Variants in BCR observed in about 807,000 individuals in gnomAD.
BCR encodes BCR activator of RhoGEF and GTPase, also known as breakpoint cluster region protein.
In BCR, 58 loss-of-function variants were observed where a neutral mutation model predicts 138.6. That is an observed-to-expected ratio of 0.42 (90% CI 0.34 to 0.52). The LOEUF (loss-of-function observed/expected upper bound fraction) is 0.52. Among genes scored for constraint, BCR ranks in the 20% least tolerant of loss-of-function variants. The probability of loss-of-function intolerance (pLI) is 0.06; values close to 1 mark genes in which losing one functional copy is unlikely to be tolerated. For missense variants in BCR, 1,599 were observed against 1,727.2 expected (o/e 0.93, Z 1.32); for synonymous variants, 786 against 730.1 (o/e 1.08, Z -1.23).
Position 23,181,896 on chromosome 22 carries a change from C to T in BCR, c.936C>T (p.Pro312=), listed in dbSNP as rs201475311. 2.5e-6 allele frequency: 4 copies of T among 1,613,350 alleles called. No homozygotes were observed. The South Asian group carries it at 3.3e-5, about 13-fold the overall frequency. ...TSEQEKRLTW[P]RRSYSPRSFE... is the part of the protein sequence containing the mutation. ...AGCAGGAGAAGCGCCTTACCTGGCC[C>T]CGCAGGTCCTACTCCCCCCGGAGTT... is the stretch of plus-strand genomic sequence containing the variant. Residue 312 remains proline (P), a synonymous_variant, in exon 1 of 23, where the codon CCC becomes CCT. Transcript: ENST00000305877.
chr22:23,293,977 G>T (rs921496647), intron 15 of BCR, among the ~76,000 whole-genome samples: 1 of 152,204 alleles, frequency 6.6e-6, no homozygotes, highest in African/African-American at 2.4e-5. Flanking sequence ...ACGCACCCAC[G>T]GCAGACAACT....
chr22:23,250,448 G>C (rs971103206), intron 1 of BCR, among the ~76,000 whole-genome samples: 1 of 152,210 alleles, frequency 6.6e-6, no homozygotes, highest in African/African-American at 2.4e-5. Context: ...CTAGTGATAA[G>C]TGGAAAAGAG....
In BCR at chr22:23,291,917, C is replaced by T. The variant is rs74465140; in HGVS notation, c.2783-624C>T. Among the ~76,000 whole-genome samples, 1,193 of 152,290 alleles carry T rather than the reference C, an allele frequency of 7.8e-3. 19 individuals are homozygous for T. Among genetic ancestry groups the T allele is most frequent in the African/African-American group, 0.027 (1,131 of 41,540 alleles). On this transcript the variant is annotated intron_variant, in intron 14 of 22. Transcript: ENST00000305877. ...ATCCCTGCAGAAAGGGTCCCCACTA[C>T]CAGGCCTCTCCATCCCCAGTCTCAG...
At chr22:23,263,194 C>G in intron 4 of BCR, 1 of 901,620 alleles carries the variant, frequency 1.1e-6, no homozygotes, top group Non-Finnish European at 1.6e-6. Context: ...GCCGCCTGCC[C>G]GGCTGCGGGG....
chr22:23,210,412 G>C (rs1332372876), intron 1 of BCR, among the ~76,000 whole-genome samples: 1 of 145,866 alleles, frequency 6.9e-6, no homozygotes, highest in Non-Finnish European at 1.5e-5. Flanking sequence ...GTAAGACCCT[G>C]TCTCAAAAAG....
rs112664880 is a variant in BCR, at chr22:23,250,176, T to G, written c.1280-3623T>G. On this transcript the variant is annotated intron_variant, in intron 1 of 22. Coordinates refer to ENST00000305877, the MANE Select transcript of BCR (RefSeq NM_004327.4). The stretch of plus-strand genomic sequence containing the variant: ...GAAGCAAGCCCTGGGACCCCGAATC[T>G]GACCCCGAAGTTCTTGCTGGGCTGA... Among the ~76,000 whole-genome samples the G allele has an allele frequency of 2.3e-3, 350 of 152,332 alleles. 2 individuals are homozygous for G. The highest frequency in any genetic ancestry group is 8.0e-3 in the African/African-American group (332 of 41,580).
chr22:23,313,998 G>T lies in BCR; in HGVS notation c.3488G>T (p.Cys1163Phe). 2 of 1,613,950 alleles carry T rather than the reference G, an allele frequency of 1.2e-6. No individual in the cohort carries two copies. The highest frequency in any genetic ancestry group is 1.7e-6 in the Non-Finnish European group (2 of 1,179,990). The change falls in exon 21 of 23, where the codon TGC becomes TTC. Residue 1163 changes from cysteine to phenylalanine, a missense_variant. Around this residue, in one of 4 missense-constraint regions of BCR, gnomAD observed 177 missense variants for 226.4 expected, o/e 0.78. Transcript: ENST00000305877. ...TCAGACCCGGTTGCAAAGGAGAGCTGCATGCTCAACCTGCTGCTGTCCCTG... is the reference window on the plus strand; with the variant it reads ...TCAGACCCGGTTGCAAAGGAGAGCTTCATGCTCAACCTGCTGCTGTCCCTG... ...ALSDPVAKESCMLNLLLSLPE... is the reference protein window; with the variant it reads ...ALSDPVAKESFMLNLLLSLPE...
intron 16 of BCR, among the ~76,000 whole-genome samples, chr22:23,303,227 G>C (rs131682): frequency 1.3e-5 from 2 of 151,966 alleles, no homozygotes; most frequent in African/African-American, 4.8e-5. Context: ...AGATACCACA[G>C]AGAATGAACT....
intron 15 of BCR, among the ~76,000 whole-genome samples, chr22:23,294,248 T>C (rs2073820639): frequency 6.6e-6 from 1 of 152,184 alleles, no homozygotes; most frequent in South Asian, 2.1e-4. Context: ...GAGTTCATAG[T>C]TGATGTTAGG....
chr22:23,277,040 C>T (rs2073585945), intron 8 of BCR, among the ~76,000 whole-genome samples: 1 of 152,320 alleles, frequency 6.6e-6, no homozygotes. Flanking sequence ...AGGTGACGGG[C>T]GAGCTCCCCT....
intron 1 of BCR, among the ~76,000 whole-genome samples, chr22:23,238,856 C>T (rs2073055278): frequency 6.6e-6 from 1 of 151,556 alleles, no homozygotes; most frequent in Non-Finnish European, 1.5e-5. Flanking sequence ...GTGTATGTGG[C>T]TTGCAGCTTG....
chr22:23,220,417 A>T (rs1180599319), intron 1 of BCR, among the ~76,000 whole-genome samples: 1 of 152,096 alleles, frequency 6.6e-6, no homozygotes, highest in African/African-American at 2.4e-5. Context: ...TGCCTGGGTC[A>T]TTTGGTTCAG....
chr22:23,199,845 C>T (rs935388728), intron 1 of BCR, among the ~76,000 whole-genome samples: 5 of 152,120 alleles, frequency 3.3e-5, no homozygotes, highest in African/African-American at 1.2e-4. Context: ...AATCCCAGCA[C>T]TTTGGGAGGC....
intron 1 of BCR, among the ~76,000 whole-genome samples, chr22:23,203,216 C>T (rs1298306090): frequency 2.0e-5 from 3 of 152,208 alleles, no homozygotes; most frequent in African/African-American, 2.4e-5. Flanking sequence ...GCCTCTGTCA[C>T]TGGATTTACC....
intron 1 of BCR, among the ~76,000 whole-genome samples, chr22:23,195,465 G>A (rs1030636571): frequency 2.0e-5 from 3 of 150,710 alleles, no homozygotes; most frequent in Non-Finnish European, 4.4e-5. Context: ...GTTGGTGCAC[G>A]CCTGTAATCC....
chr22:23,259,082 A>T (rs1342032754), intron 2 of BCR, among the ~76,000 whole-genome samples: 1 of 152,262 alleles, frequency 6.6e-6, no homozygotes, highest in Admixed American at 6.5e-5. Context: ...GCCAGTGGCC[A>T]GGGAGTAGGC....
intron 1 of BCR, among the ~76,000 whole-genome samples, chr22:23,244,795 A>G (rs2073137302): frequency 6.6e-6 from 1 of 152,226 alleles, no homozygotes; most frequent in Non-Finnish European, 1.5e-5. Flanking sequence ...TAATAACTGT[A>G]TCATCCTGGG....
At chr22:23,275,659 A>C (rs2073567352) in intron 8 of BCR, among the ~76,000 whole-genome samples, 1 of 152,214 alleles carries the variant, frequency 6.6e-6, no homozygotes, top group Non-Finnish European at 1.5e-5. Context: ...AAGGAGAGCA[A>C]ACCTGTGACA....
chr22:23,238,948 C>T lies in BCR; in HGVS notation c.1280-14851C>T, dbSNP rs76108157. 2.3e-3 allele frequency among the ~76,000 whole-genome samples: 352 copies of T among 152,204 alleles called. 1 individual carries two copies. Among genetic ancestry groups the T allele is most frequent in the Non-Finnish European group, 4.3e-3 (292 of 68,020 alleles). ...CGGGTCGGGTCAGGCCTCAAACTCTCCTCTGGGCCATTTCCTTCTTTTTCT... is the reference window on the plus strand; with the variant it reads ...CGGGTCGGGTCAGGCCTCAAACTCTTCTCTGGGCCATTTCCTTCTTTTTCT... On this transcript the variant is annotated intron_variant, in intron 1 of 22. Coordinates refer to ENST00000305877, the MANE Select transcript of BCR (RefSeq NM_004327.4).
Sources: gnomAD v4.1 joint callset for allele counts (sites outside exome capture counted in the v4.1 genomes callset) on GRCh38, gnomAD v4.1.1 for gene constraint, gnomAD v4.1.1 regional missense constraint, MANE v1.5 for transcripts, NCBI Gene and HGNC (gene_info 2026-07-23, HGNC 2026-07-21) for gene names.